Variants in METTL3 observed in about 807,000 individuals in gnomAD.
METTL3 encodes the protein methyltransferase 3, N6-adenosine-methyltransferase complex catalytic subunit.
METTL3 carries 42 observed loss-of-function variants against 64.3 expected under a neutral mutation model. That is an observed-to-expected ratio of 0.65 (90% CI 0.51 to 0.84). METTL3 has a LOEUF of 0.84. Ranked by LOEUF, METTL3 falls within the 40% of genes least tolerant of loss-of-function variation. The pLI is 0.00. For missense variants in METTL3, 435 were observed against 722.3 expected, an observed-to-expected ratio of 0.60 and a Z score of 4.56; for synonymous variants, 256 against 263.6, an observed-to-expected ratio of 0.97 and a Z score of 0.28.
At chr14:21,502,246 A>C in intron 3 of METTL3, 2 of 195,198 alleles carry the variant, frequency 1.0e-5, no homozygotes, top group African/African-American at 2.4e-5. Flanking sequence ...CCGGTCTTGA[A>C]CTCCTCGCCT....
rs751843177 is a variant in METTL3 at position 21,500,889 on chromosome 14, C to T, written c.1116+24G>A. On this transcript the variant is annotated intron_variant, in intron 5 of 10. Transcript: ENST00000298717. ...TCAAACATAAGTCCGTAAGTTGAGA[C>T]GAGTTTTCTGAGCAGACAGGTACCT... 1.4e-5 allele frequency: 22 copies of T among 1,601,810 alleles called. No individual in the cohort carries two copies. In the East Asian group the frequency reaches 1.6e-4, roughly 11 times the overall value.
intron 2 of METTL3, 32 bp from the exon 3 acceptor site, chr14:21,503,609 A>T (rs767560840): frequency 1.9e-6 from 3 of 1,613,472 alleles, no homozygotes. Context: ...GGGCAATAAG[A>T]CACTGACCGT....
intron 3 of METTL3, 129 bp from the exon 4 acceptor site, chr14:21,502,032 T>TTTTTG: frequency 1.4e-6 from 1 of 711,388 alleles, no homozygotes; most frequent in Non-Finnish European, 2.2e-6. Flanking sequence ...TTTTTTTTTT[T>TTTTTG]TAAGAGATGG....
intron 6 of METTL3, among the ~76,000 whole-genome samples, 199 bp downstream of exon 6, chr14:21,500,296 G>A (rs1351005570): frequency 6.6e-6 from 1 of 152,006 alleles, no homozygotes; most frequent in Non-Finnish European, 1.5e-5. Flanking sequence ...CCTGGGAGGT[G>A]GAGGTTGCAG....
chr14:21,500,217 T>C (rs1465236727), intron 6 of METTL3, among the ~76,000 whole-genome samples: 1 of 151,866 alleles, frequency 6.6e-6, no homozygotes, highest in Non-Finnish European at 1.5e-5. Context: ...AAGAAAAAAT[T>C]AGCTGGGCTG....
chr14:21,508,885 A>C (rs559011524), intron 1 of METTL3, among the ~76,000 whole-genome samples: 85 of 152,270 alleles, frequency 5.6e-4, no homozygotes, highest in African/African-American at 1.9e-3. Flanking sequence ...CAAGAGCGAA[A>C]CTCCATCTCA....
In METTL3 at chr14:21,511,118, C is replaced by T. The variant is rs1362364308; in HGVS notation, c.100+6G>A. 8 of 1,613,628 alleles carry T rather than the reference C, an allele frequency of 5.0e-6. No homozygotes were observed. The highest frequency in any genetic ancestry group is 1.3e-5 in the African/African-American group (1 of 74,922). On this transcript the variant is annotated splice_donor_region_variant and intron_variant, in intron 1 of 10. Coordinates refer to ENST00000298717, the MANE Select transcript of METTL3 (RefSeq NM_019852.5). ...GAGCCTCGGCCCCAACAGCCCAGTG[C>T]CTCACCCAAGTGCCCCGAGTCCTGC...
At chr14:21,510,813 G>A (rs924934158) in intron 1 of METTL3, 2 of 315,622 alleles carry the variant, frequency 6.3e-6, no homozygotes, top group Admixed American at 4.9e-5. Context: ...TCGCGGGATA[G>A]GGGGCTGAGC....
chr14:21,509,825 T>A (rs768764286), intron 1 of METTL3, among the ~76,000 whole-genome samples: 1 of 152,190 alleles, frequency 6.6e-6, no homozygotes. Flanking sequence ...AATAAATCAA[T>A]GAAGTTTCTA....
At chr14:21,502,230 C>T (rs890657127) in intron 3 of METTL3, 35 of 233,906 alleles carry the variant, frequency 1.5e-4, no homozygotes, top group African/African-American at 8.0e-4. Context: ...GTCTATGTTG[C>T]CCAGGCCGGT....
In METTL3 at chr14:21,499,021, T is replaced by G; in HGVS notation, c.1631+4A>C. The G allele has an allele frequency of 6.2e-7, 1 of 1,607,674 alleles. No individual in the cohort carries two copies. The highest frequency in any genetic ancestry group is 8.5e-7 in the Non-Finnish European group (1 of 1,174,178). On this transcript the variant is annotated splice_donor_region_variant and intron_variant, in intron 10 of 10. Transcript: ENST00000298717. Reference sequence around the variant, plus strand: ...AGGACTAGCCTGTTCTCTGGTCACCTTACCAGTTGGGTTGCACATTGTGTG... The same window carrying G: ...AGGACTAGCCTGTTCTCTGGTCACCGTACCAGTTGGGTTGCACATTGTGTG...
intron 10 of METTL3, 107 bp from the exon 11 acceptor site, chr14:21,498,476 A>G: frequency 9.9e-7 from 1 of 1,012,744 alleles, no homozygotes; most frequent in East Asian, 2.4e-5. Context: ...CATATCAAAT[A>G]TGCCAATTCT....
chr14:21,498,989 C>A (rs1061027), intron 10 of METTL3, 36 bp downstream of exon 10: 361,182 of 1,367,966 alleles, frequency 0.26, 51,607 homozygotes, highest in Middle Eastern at 0.38. Context: ...TAAATAATAG[C>A]CCCTTGAGGA....
chr14:21,503,623 C>CTGAAAATAAG, intron 2 of METTL3, 41 bp downstream of exon 2: 1 of 1,613,582 alleles, frequency 6.2e-7, no homozygotes, highest in Non-Finnish European at 8.5e-7. Context: ...TGACCGTGAA[C>CTGAAAATAAG]TGAAAATAAG....
intron 3 of METTL3, 49 bp downstream of exon 3, chr14:21,503,124 A>G (rs763053612): frequency 2.7e-5 from 42 of 1,545,638 alleles, no homozygotes; most frequent in Non-Finnish European, 3.5e-5. Context: ...CTGTCAAACA[A>G]AGCTATAATT....
chr14:21,501,529 AT>A lies in METTL3; in HGVS notation c.899+198del, dbSNP rs1428973216. The A allele has an allele frequency of 1.2e-3, 804 of 661,690 alleles. 4 individuals carry two copies. Among genetic ancestry groups the A allele is most frequent in the Middle Eastern group, 3.8e-3 (9 of 2,346 alleles). 41.0% of individuals were successfully genotyped at this position (661,690 alleles called of 1,614,324 possible). ...GAGGGAGGGAGCTTTTAAAAAAAAA[AT>A]CTCAGTTATTTGGGAGTACAGCCTG... On this transcript the variant is annotated intron_variant, in intron 4 of 10. Transcript: ENST00000298717.
chr14:21,499,024 C>A lies in METTL3; in HGVS notation c.1631+1G>T. The A allele has an allele frequency of 6.2e-7, 1 of 1,608,998 alleles. No homozygotes were observed. The highest frequency in any genetic ancestry group is 8.5e-7 in the Non-Finnish European group (1 of 1,175,376). ...ACTAGCCTGTTCTCTGGTCACCTTA[C>A]CAGTTGGGTTGCACATTGTGTGGTC... On this transcript the variant is annotated splice_donor_variant, in intron 10 of 10. Coordinates refer to ENST00000298717, the MANE Select transcript of METTL3 (RefSeq NM_019852.5). LOFTEE classifies it high-confidence loss of function.
intron 3 of METTL3, 153 bp downstream of exon 3, chr14:21,503,020 G>T: frequency 1.2e-6 from 1 of 846,314 alleles, no homozygotes. Flanking sequence ...AATGTCTCCG[G>T]ACATTACCAG....
chr14:21,500,450 T>C, intron 6 of METTL3, 45 bp downstream of exon 6: 2 of 1,587,310 alleles, frequency 1.3e-6, no homozygotes, highest in Non-Finnish European at 1.7e-6. Context: ...CAGTATTCAC[T>C]CTTGTACTGT....
Sources: gnomAD v4.1 joint callset for allele counts (sites outside exome capture counted in the v4.1 genomes callset) on GRCh38, gnomAD v4.1.1 for gene constraint, MANE v1.5 for transcripts, NCBI Gene and HGNC (gene_info 2026-07-23, HGNC 2026-07-21) for gene names.